PACS1: variants seen among roughly 807,000 people sequenced by gnomAD.
The protein encoded by PACS1 is PACS-1.
PACS1 carries 24 observed loss-of-function variants against 115.0 expected under a neutral mutation model. The ratio of observed to expected loss-of-function variants is 0.21; its 90% CI spans 0.15 to 0.29. The LOEUF is 0.29. PACS1 is among the 10% of genes least tolerant of loss of function. The probability of loss-of-function intolerance (pLI) is 1.00; values close to 1 mark genes in which losing one functional copy is unlikely to be tolerated. For missense variants in PACS1, 838 were observed against 1,251.2 expected, an observed-to-expected ratio of 0.67 and a Z score of 4.98; for synonymous variants, 453 against 504.5, an observed-to-expected ratio of 0.90 and a Z score of 1.37.
intron 2 of PACS1, among the ~76,000 whole-genome samples, chr11:66,202,734 A>AAG (rs1854832632): frequency 2.0e-5 from 1 of 51,194 alleles, no homozygotes; most frequent in Non-Finnish European, 4.1e-5. Flanking sequence ...AGGAAAAAAA[A>AAG]AAAAAAAAAT....
In PACS1 at chr11:66,211,273, A is replaced by G; in HGVS notation, c.660+14A>G. On this transcript the variant is annotated intron_variant, in intron 4 of 23. Transcript: ENST00000320580. ...AACATGGCAGAGGTGAGAGGAACAC[A>G]GTCTCCAGACTGTTGGCCTTTGAGT... 1.2e-6 allele frequency: 2 copies of G among 1,612,944 alleles called. No individual in the cohort carries two copies. Among genetic ancestry groups the G allele is most frequent in the South Asian group, 1.1e-5 (1 of 91,038 alleles).
At chr11:66,104,339 C>T (rs1267098889) in intron 1 of PACS1, among the ~76,000 whole-genome samples, 1 of 152,154 alleles carries the variant, frequency 6.6e-6, no homozygotes, top group Non-Finnish European at 1.5e-5. Context: ...GTGTGTCTTC[C>T]TTCTATTTCT....
intron 1 of PACS1, among the ~76,000 whole-genome samples, chr11:66,134,687 CCCTGGCG>C (rs1858802084): frequency 2.0e-5 from 3 of 152,036 alleles, no homozygotes; most frequent in African/African-American, 7.2e-5. Flanking sequence ...GCTCCCTGTA[CCCTGGCG>C]CCAGGGCGTT....
intron 1 of PACS1, among the ~76,000 whole-genome samples, chr11:66,157,055 A>G (rs1299980946): frequency 1.3e-5 from 2 of 152,014 alleles, no homozygotes. Flanking sequence ...TTGTTTGATA[A>G]TTTTGTCTCC....
intron 1 of PACS1, among the ~76,000 whole-genome samples, chr11:66,171,041 G>T (rs1377714510): frequency 6.7e-6 from 1 of 150,294 alleles, no homozygotes; most frequent in Non-Finnish European, 1.5e-5. Flanking sequence ...GATTTCATGT[G>T]TTCGTTTGAA....
At chr11:66,071,704 G>A (rs561843018) in intron 1 of PACS1, among the ~76,000 whole-genome samples, 69 of 152,302 alleles carry the variant, frequency 4.5e-4, no homozygotes, top group African/African-American at 1.3e-3. Context: ...CCAGAGAAGT[G>A]CCTGGAGGTG....
Position 66,235,203 on chromosome 11 carries a change from G to A in PACS1, c.2105-98G>A, listed in dbSNP as rs534985813. On this transcript the variant is annotated intron_variant, in intron 17 of 23. Coordinates refer to ENST00000320580, the MANE Select transcript of PACS1 (RefSeq NM_018026.4). This position sits in a 1 kb window ranked among gnomAD's most constrained non-coding sequence, Gnocchi z 5.6. Reference sequence around the variant, plus strand: ...CCCCATCCTTCACTCAACTCCTAGAGTCTGACGGGTCTCAGGAAGGGATCC... The same window carrying A: ...CCCCATCCTTCACTCAACTCCTAGAATCTGACGGGTCTCAGGAAGGGATCC... 6.1e-6 allele frequency: 5 copies of A among 824,878 alleles called. No individual in the cohort carries two copies. In the African/African-American group the frequency reaches 6.7e-5, roughly 11 times the overall value. 51.1% of individuals were successfully genotyped at this position (824,878 alleles called of 1,614,324 possible). A position where few individuals can be genotyped will look rare whatever the true frequency, so the allele number is the denominator to read the frequency against.
rs1398749096 is a variant in PACS1, at chr11:66,188,738, A to C, written c.357-4748A>C. Among the ~76,000 whole-genome samples, 13 of 152,258 alleles carry C rather than the reference A, an allele frequency of 8.5e-5. No homozygotes were observed. The South Asian group carries it at 2.5e-3, about 29-fold the overall frequency. On this transcript the variant is annotated intron_variant, in intron 1 of 23. Coordinates refer to ENST00000320580, the MANE Select transcript of PACS1 (RefSeq NM_018026.4). Reference sequence around the variant, plus strand: ...TAATCACTGAGACTACTTCGTTACAATGTCTTGCCAGACACAGTCAGCATG... The same window carrying C: ...TAATCACTGAGACTACTTCGTTACACTGTCTTGCCAGACACAGTCAGCATG...
chr11:66,070,755 C>A lies in PACS1; in HGVS notation c.269C>A (p.Pro90Gln). 2 of 1,551,284 alleles carry A rather than the reference C, an allele frequency of 1.3e-6. No individual in the cohort carries two copies. The highest frequency in any genetic ancestry group is 1.7e-6 in the Non-Finnish European group (2 of 1,156,558). The change falls in exon 1 of 24, where the codon CCG becomes CAG. Residue 90 changes from proline (P) to glutamine (Q), a missense_variant. Pro to Gln is a moderately conservative substitution (Grantham distance 76). Transcript: ENST00000320580. This position sits in a 1 kb window ranked among gnomAD's most constrained non-coding sequence, Gnocchi z 5.9. ...TCGGGCTCCGCGCCTCCCGGTGGCCCGGGGCCAGGCCGCACCCCCGCCCCG... is the reference window on the plus strand; with the variant it reads ...TCGGGCTCCGCGCCTCCCGGTGGCCAGGGGCCAGGCCGCACCCCCGCCCCG... ...VASGSAPPGG[P>Q]GPGRTPAPVQ...
intron 1 of PACS1, among the ~76,000 whole-genome samples, chr11:66,085,994 C>T (rs190722032): frequency 3.9e-5 from 6 of 151,982 alleles, no homozygotes; most frequent in Non-Finnish European, 5.9e-5. Context: ...ATGCCACTGG[C>T]GATATGATTT....
intron 4 of PACS1, 103 bp downstream of exon 4, chr11:66,211,362 C>T (rs949594171): frequency 9.0e-6 from 11 of 1,225,554 alleles, no homozygotes; most frequent in Non-Finnish European, 1.3e-5. Flanking sequence ...TCCCAGCCTG[C>T]TGGCTAGGTG....
At chr11:66,227,099 C>T (rs1168350446) in intron 10 of PACS1, among the ~76,000 whole-genome samples, 1 of 152,142 alleles carries the variant, frequency 6.6e-6, no homozygotes, top group African/African-American at 2.4e-5. Context: ...AATCAAAGAC[C>T]TGAACCTAGC....
chr11:66,122,690 G>A (rs190708823), intron 1 of PACS1, among the ~76,000 whole-genome samples: 67 of 152,302 alleles, frequency 4.4e-4, no homozygotes, highest in African/African-American at 1.5e-3. Flanking sequence ...CTGCAAAAGT[G>A]GGGGAAATGG....
chr11:66,208,492 G>T (rs1854995330), intron 2 of PACS1, among the ~76,000 whole-genome samples: 1 of 151,944 alleles, frequency 6.6e-6, no homozygotes, highest in Admixed American at 6.6e-5. Context: ...ATGTTTCAAT[G>T]AACAGCTCCT....
intron 11 of PACS1, 68 bp downstream of exon 11, chr11:66,227,652 G>A (rs1855494263): frequency 1.0e-6 from 1 of 991,944 alleles, no homozygotes; most frequent in African/African-American, 1.6e-5. Flanking sequence ...AATAACGGCA[G>A]AAGGACCCTC....
intron 17 of PACS1, 35 bp downstream of exon 17, chr11:66,234,277 C>T (rs770737866): frequency 2.1e-6 from 3 of 1,451,352 alleles, no homozygotes; most frequent in Non-Finnish European, 2.9e-6. Context: ...ACTCCCACCC[C>T]CGGGGTCCAC....
intron 2 of PACS1, among the ~76,000 whole-genome samples, chr11:66,199,026 G>A (rs943548123): frequency 2.6e-5 from 4 of 152,112 alleles, no homozygotes; most frequent in Non-Finnish European, 1.5e-5. Flanking sequence ...TTCTAAAAGT[G>A]TAAAAAGGGC....
At chr11:66,216,809 A>C (rs1434842592) in intron 7 of PACS1, 34 bp downstream of exon 7, 1 of 1,521,540 alleles carries the variant, frequency 6.6e-7, no homozygotes, top group South Asian at 1.1e-5. Context: ...TGGTTGGCTA[A>C]GATTTTCAGT....
intron 1 of PACS1, among the ~76,000 whole-genome samples, chr11:66,085,472 A>C (rs1447283383): frequency 6.6e-6 from 1 of 152,226 alleles, no homozygotes. Flanking sequence ...TCTAGATCAA[A>C]TTTATGATAG....
Sources: allele counts gnomAD v4.1 joint callset (sites outside exome capture counted in the v4.1 genomes callset), GRCh38; gene constraint gnomAD v4.1.1; non-coding constraint Gnocchi (gnomAD v3.1); transcripts MANE v1.5; gene names NCBI Gene and HGNC (gene_info 2026-07-23, HGNC 2026-07-21).